MRM2: variants seen among roughly 807,000 people sequenced by gnomAD.
The protein encoded by MRM2 is rRNA methyltransferase 2, mitochondrial.
A neutral mutation model predicts 10.9 loss-of-function variants in MRM2; 15 were observed. The ratio of observed to expected loss-of-function variants is 1.37; its 90% CI spans 0.92 to 2.11. The LOEUF (loss-of-function observed/expected upper bound fraction) is 2.11, where lower values mean the gene tolerates loss of function less well. Ranked by LOEUF, MRM2 falls within the 30% of genes most tolerant of loss-of-function variation. MRM2 has a pLI of 0.00. For missense variants in MRM2, 328 were observed against 321.3 expected (o/e 1.02, Z -0.16); for synonymous variants, 139 against 128.7 (o/e 1.08, Z -0.54).
rs1317570589 is a variant in MRM2, at chr7:2,235,035, A to C, written c.*87T>G. Reference sequence around the variant, plus strand: ...CTGCTCCATCTCCAAAATCAGCTCAAATCTCCCAGGAACTCTTCAGGAGCT... The same window carrying C: ...CTGCTCCATCTCCAAAATCAGCTCACATCTCCCAGGAACTCTTCAGGAGCT... On this transcript the variant is annotated 3_prime_UTR_variant, in exon 3 of 3. Coordinates refer to ENST00000242257, the MANE Select transcript of MRM2 (RefSeq NM_013393.3). 21 of 1,033,340 alleles carry C rather than the reference A, an allele frequency of 2.0e-5. No individual in the cohort carries two copies. Among genetic ancestry groups the C allele is most frequent in the Admixed American group, 1.5e-4 (7 of 47,132 alleles). The allele number at this position is 1,033,340 out of a possible 1,614,324, so 64.0% of individuals were successfully genotyped here. A position where few individuals can be genotyped will look rare whatever the true frequency, so the allele number is the denominator to read the frequency against.
In MRM2 at chr7:2,235,396, G is replaced by A. The variant is rs753017045; in HGVS notation, c.467C>T (p.Ala156Val). The A allele has an allele frequency of 6.2e-6, 10 of 1,613,966 alleles. No homozygotes were observed. The highest frequency in any genetic ancestry group is 1.6e-4 in the Middle Eastern group (1 of 6,084). ...GTCCCGGAACCCTGTGGCATTGGGCGCCATGTCGCTCAGAATCACATCTGC... is the reference window on the plus strand; with the variant it reads ...GTCCCGGAACCCTGTGGCATTGGGCACCATGTCGCTCAGAATCACATCTGC... Reference protein sequence around the residue: ...RRADVILSDMAPNATGFRDLD... With the variant: ...RRADVILSDMVPNATGFRDLD... The change falls in exon 3 of 3, where the codon GCG (alanine) becomes GTG (valine). Residue 156 changes from alanine (A) to valine (V), a missense_variant. Physicochemically the swap from Ala to Val is moderately conservative, Grantham distance 64. Coordinates refer to ENST00000242257, the MANE Select transcript of MRM2 (RefSeq NM_013393.3).
At chr7:2,239,755 C>T in intron 1 of MRM2, 48 bp from the exon 2 acceptor site, 1 of 1,564,678 alleles carries the variant, frequency 6.4e-7, no homozygotes, top group Non-Finnish European at 8.7e-7. Flanking sequence ...CACAGAACGG[C>T]AGGTCATGAG....
Position 2,235,248 on chromosome 7 carries a change from C to A in MRM2, c.615G>T (p.Gln205His). ...TWAGSQSRRLQRRLTEEFQNV... is the reference protein window; with the variant it reads ...TWAGSQSRRLHRRLTEEFQNV... ...TCTGGAATTCCTCTGTCAGTCTCCTCTGTAACCGACGGCTTTGACTTCCAG... is the reference window on the plus strand; with the variant it reads ...TCTGGAATTCCTCTGTCAGTCTCCTATGTAACCGACGGCTTTGACTTCCAG... Residue 205 changes from glutamine to histidine, a missense_variant, in exon 3 of 3, where the codon CAG (glutamine) becomes CAT (histidine). By Grantham distance (24) the Gln-to-His change is conservative. Transcript: ENST00000242257. The A allele has an allele frequency of 6.2e-7, 1 of 1,614,136 alleles. No individual in the cohort carries two copies. The highest frequency in any genetic ancestry group is 8.5e-7 in the Non-Finnish European group (1 of 1,179,986).
chr7:2,241,819 A>G (rs1794548684), intron 1 of MRM2, among the ~76,000 whole-genome samples: 1 of 152,224 alleles, frequency 6.6e-6, no homozygotes, highest in African/African-American at 2.4e-5. Context: ...ACAGCCCAGG[A>G]AGCGCGGGCA....
At chr7:2,241,970 G>T (rs565172404) in intron 1 of MRM2, 192 bp downstream of exon 1, 154 of 555,080 alleles carry the variant, frequency 2.8e-4, no homozygotes, top group African/African-American at 2.7e-3. Context: ...CCTGCCCCTG[G>T]AGACCTGAGG....
At position 2,239,530 on chromosome 7, in the gene MRM2, C is replaced by G. The variant is rs201864572; in HGVS notation, c.186G>C (p.Glu62Asp). 6.2e-7 allele frequency: 1 copy of G among 1,613,954 alleles called. No homozygotes were observed. The highest frequency in any genetic ancestry group is 8.5e-7 in the Non-Finnish European group (1 of 1,180,040). The part of the protein sequence containing the change: ...YRCRSAFKLL[E>D]VNERHQILRP... ...GCAGAATCTGGTGCCTCTCGTTCACCTCCAGGAGCTTGAAGGCGCTTCGAC... is the reference window on the plus strand; with the variant it reads ...GCAGAATCTGGTGCCTCTCGTTCACGTCCAGGAGCTTGAAGGCGCTTCGAC... Residue 62 changes from glutamate to aspartate, a missense_variant, in exon 2 of 3, where the codon GAG (glutamate) becomes GAC (aspartate). Physicochemically the swap from Glu to Asp is conservative, Grantham distance 45. Coordinates refer to ENST00000242257, the MANE Select transcript of MRM2 (RefSeq NM_013393.3).
chr7:2,242,117 A>T, intron 1 of MRM2, 45 bp downstream of exon 1: 1 of 1,580,048 alleles, frequency 6.3e-7, no homozygotes, highest in Non-Finnish European at 8.6e-7. Flanking sequence ...GCGGACCCCC[A>T]ACCACTCCCG....
chr7:2,239,243 T>C, intron 2 of MRM2, 175 bp downstream of exon 2: 1 of 816,702 alleles, frequency 1.2e-6, no homozygotes, highest in African/African-American at 1.7e-5. Context: ...TTGTCTTTCA[T>C]TTTGAAAATG....
At chr7:2,236,727 C>G (rs758891994) in intron 2 of MRM2, among the ~76,000 whole-genome samples, 21 of 152,176 alleles carry the variant, frequency 1.4e-4, no homozygotes, top group Admixed American at 2.6e-4. Flanking sequence ...GTTGGAACAG[C>G]CTTTCTGTTA....
intron 2 of MRM2, chr7:2,238,123 G>T (rs1019990972): frequency 2.6e-5 from 4 of 152,206 alleles, no homozygotes; most frequent in African/African-American, 9.7e-5. Context: ...AATAAATGGG[G>T]ACCAGTGTCC....
rs1300538903 is a variant in MRM2 at position 2,235,015 on chromosome 7, C to G, written c.*107G>C. ...AGAGAGACTCCCCACTTGTCCTGCT[C>G]CATCTCCAAAATCAGCTCAAATCTC... On this transcript the variant is annotated 3_prime_UTR_variant, in exon 3 of 3. Coordinates refer to ENST00000242257, the MANE Select transcript of MRM2 (RefSeq NM_013393.3). The G allele has an allele frequency of 1.2e-6, 1 of 811,520 alleles. No homozygotes were observed. The highest frequency in any genetic ancestry group is 1.7e-5 in the African/African-American group (1 of 58,452). 50.3% of individuals were successfully genotyped at this position (811,520 alleles called of 1,614,324 possible). A position where few individuals can be genotyped will look rare whatever the true frequency, so the allele number is the denominator to read the frequency against.
chr7:2,239,429 G>A lies in MRM2; in HGVS notation c.287C>T (p.Ala96Val). The change falls in exon 2 of 3, where the codon GCC becomes GTC. Residue 96 changes from alanine (A) to valine (V), a missense_variant. By Grantham distance (64) the Ala-to-Val change is moderately conservative (BLOSUM62 0). Coordinates refer to ENST00000242257, the MANE Select transcript of MRM2 (RefSeq NM_013393.3). ...GTGCAGAGGCCCACCTGTGCCTGCG[G>A]CGTTGACCTTCTGCACCGCCACCTG... ...WSQVAVQKVN[A>V]AGTDPSSPVG... is the part of the protein sequence containing the mutation. 16 of 1,608,332 alleles carry A rather than the reference G, an allele frequency of 9.9e-6. No homozygotes were observed. Among genetic ancestry groups the A allele is most frequent in the Non-Finnish European group, 1.4e-5 (16 of 1,177,454 alleles).
intron 1 of MRM2, 47 bp downstream of exon 1, chr7:2,242,115 C>T (rs1206802235): frequency 6.3e-7 from 1 of 1,579,082 alleles, no homozygotes. Context: ...GGGCGGACCC[C>T]CAACCACTCC....
intron 1 of MRM2, among the ~76,000 whole-genome samples, chr7:2,240,641 G>A (rs1420932049): frequency 6.6e-6 from 1 of 152,026 alleles, no homozygotes; most frequent in South Asian, 2.1e-4. Flanking sequence ...CTAAGCAGGT[G>A]GAAGCTATAC....
intron 1 of MRM2, chr7:2,241,877 C>A: frequency 2.4e-6 from 1 of 414,648 alleles, no homozygotes; most frequent in Non-Finnish European, 4.3e-6. Context: ...GGCTCGCCCC[C>A]GGCGCCTTGG....
At chr7:2,238,933 T>C (rs1337285130) in intron 2 of MRM2, 1 of 192,194 alleles carries the variant, frequency 5.2e-6, no homozygotes, top group Non-Finnish European at 9.7e-6. Context: ...AGAGTGAGAC[T>C]CCATCTGGAG....
chr7:2,235,222 T>C lies in MRM2; in HGVS notation c.641A>G (p.Asn214Ser). The change falls in exon 3 of 3, where the codon AAT becomes AGT. Residue 214 changes from asparagine (N) to serine (S), a missense_variant. Coordinates refer to ENST00000242257, the MANE Select transcript of MRM2 (RefSeq NM_013393.3). ...LQRRLTEEFQ[N>S]VRIIKPEASR... ...GGCTTCAGGTTTGATGATCCTTACATTCTGGAATTCCTCTGTCAGTCTCCT... is the reference window on the plus strand; with the variant it reads ...GGCTTCAGGTTTGATGATCCTTACACTCTGGAATTCCTCTGTCAGTCTCCT... 6.2e-7 allele frequency: 1 copy of C among 1,614,124 alleles called. No homozygotes were observed. Among genetic ancestry groups the C allele is most frequent in the Non-Finnish European group, 8.5e-7 (1 of 1,179,974 alleles).
In MRM2 at chr7:2,242,186, T is replaced by A. The variant is rs752933085; in HGVS notation, c.-17A>T. ...CCCCGCCATTGGTGTTCCCCGCGCC[T>A]GCAGCGCGCCGCCGGAAGTGCCTGG... On this transcript the variant is annotated 5_prime_UTR_variant, in exon 1 of 3. Coordinates refer to ENST00000242257, the MANE Select transcript of MRM2 (RefSeq NM_013393.3). 3.2e-6 allele frequency: 5 copies of A among 1,578,442 alleles called. No homozygotes were observed. In the East Asian group the frequency reaches 9.5e-5, roughly 30 times the overall value.
At chr7:2,241,406 G>A (rs1794534483) in intron 1 of MRM2, 1 of 151,722 alleles carries the variant, frequency 6.6e-6, no homozygotes, top group East Asian at 1.9e-4. Flanking sequence ...TCAGCCTCCT[G>A]AGTAGCTGGG....
Sources: gnomAD v4.1 joint callset for allele counts (sites outside exome capture counted in the v4.1 genomes callset) on GRCh38, gnomAD v4.1.1 for gene constraint, MANE v1.5 for transcripts, NCBI Gene and HGNC (gene_info 2026-07-23, HGNC 2026-07-21) for gene names.